The following KCNH1 variants were observed in gnomAD, a reference collection of about 807,000 sequenced individuals.
The protein encoded by KCNH1 is voltage-gated delayed rectifier potassium channel KCNH1.
A neutral mutation model predicts 69.2 loss-of-function variants in KCNH1; 27 were observed. That is an observed-to-expected ratio of 0.39 (90% CI 0.29 to 0.54). KCNH1 has a LOEUF of 0.54. Ranked by LOEUF, KCNH1 falls within the 20% of genes least tolerant of loss-of-function variation. The pLI is 0.68. For synonymous variants in KCNH1, 456 were observed against 487.7 expected (o/e 0.93, Z 0.86); for missense variants, 798 against 1,261.6 (o/e 0.63, Z 5.57).
intron 5 of KCNH1, among the ~76,000 whole-genome samples, chr1:211,066,080 G>T (rs1690523623): frequency 6.6e-6 from 1 of 152,012 alleles, no homozygotes; most frequent in Non-Finnish European, 1.5e-5. Flanking sequence ...TTTTTTTAAT[G>T]TGGAAAAAGT....
Position 210,856,898 on chromosome 1 carries a change from T to TATATATATATATATATAA in KCNH1, c.1463-52733_1463-52732insTTATATATATATATATAT, listed in dbSNP as rs1410330503. On this transcript the variant is annotated intron_variant, in intron 7 of 10. Transcript: ENST00000271751. ...CCCACTATATATATATATATATATA[T>TATATATATATATATATAA]AAAATACTCATGCCTGGTGTTTACT... Among the ~76,000 whole-genome samples the TATATATATATATATATAA allele has an allele frequency of 6.5e-3, 788 of 121,518 alleles. 15 individuals carry two copies. Among genetic ancestry groups the TATATATATATATATATAA allele is most frequent in the Non-Finnish European group, 0.011 (617 of 56,286 alleles). The allele number at this position is 121,518 out of a possible 152,430, so 79.7% of individuals were successfully genotyped here. A position where few individuals can be genotyped will look rare whatever the true frequency, so the allele number is the denominator to read the frequency against.
chr1:210,936,397 GC>G (rs1687775278), intron 6 of KCNH1, among the ~76,000 whole-genome samples: 1 of 152,128 alleles, frequency 6.6e-6, no homozygotes, highest in Non-Finnish European at 1.5e-5. Flanking sequence ...CCAGCACCCT[GC>G]TTTTTCCCTC....
At chr1:210,711,398 T>C (rs1032187222) in intron 10 of KCNH1, among the ~76,000 whole-genome samples, 10 of 152,210 alleles carry the variant, frequency 6.6e-5, no homozygotes, top group Non-Finnish European at 8.8e-5. Context: ...TTCCCAGGCA[T>C]TGGGCCATCA....
chr1:211,110,019 A>G (rs749676038), intron 1 of KCNH1, among the ~76,000 whole-genome samples: 2 of 151,140 alleles, frequency 1.3e-5, no homozygotes, highest in African/African-American at 2.5e-5. Flanking sequence ...GAGACAAGAA[A>G]CAGAGAAGAA....
chr1:211,044,645 A>G (rs530869077), intron 5 of KCNH1, among the ~76,000 whole-genome samples: 1 of 152,350 alleles, frequency 6.6e-6, no homozygotes, highest in African/African-American at 2.4e-5. Context: ...AATGGCCAAC[A>G]AACATATGAA....
chr1:210,838,845 A>G (rs1036427989), intron 7 of KCNH1, among the ~76,000 whole-genome samples: 7 of 152,242 alleles, frequency 4.6e-5, no homozygotes, highest in African/African-American at 1.7e-4. Flanking sequence ...AGAAATGCAA[A>G]TCAAAACCAC....
At chr1:211,077,274 C>T (rs1162225599) in intron 5 of KCNH1, among the ~76,000 whole-genome samples, 4 of 151,760 alleles carry the variant, frequency 2.6e-5, no homozygotes, top group Non-Finnish European at 4.4e-5. Flanking sequence ...ACAGACACTC[C>T]TCGGAACAGC....
chr1:210,706,981 A>G (rs1343492672), intron 10 of KCNH1, among the ~76,000 whole-genome samples: 2 of 152,224 alleles, frequency 1.3e-5, no homozygotes, highest in Non-Finnish European at 2.9e-5. Flanking sequence ...GCAGAAGAGA[A>G]GAGAAAGCAT....
intron 2 of KCNH1, among the ~76,000 whole-genome samples, chr1:211,105,543 A>G (rs560761540): frequency 1.3e-5 from 2 of 152,358 alleles, no homozygotes; most frequent in South Asian, 4.1e-4. Context: ...CATAGCTAGC[A>G]CAAAGGTATG....
rs768639379 is a variant in KCNH1 at position 210,867,358 on chromosome 1, CACACATAT to C, written c.1462+52274_1462+52281del. ...ACACACACACACACACACACACACA[CACACATAT>C]ATATATATATATGTGTCCAAAGCAA... On this transcript the variant is annotated intron_variant, in intron 7 of 10. Transcript: ENST00000271751. Among the ~76,000 whole-genome samples the C allele has an allele frequency of 1.3e-3, 144 of 106,784 alleles. 2 individuals are homozygous for C. The highest frequency in any genetic ancestry group is 2.1e-3 in the Non-Finnish European group (93 of 43,976). The allele number at this position is 106,784 out of a possible 152,430, so 70.1% of individuals were successfully genotyped here.
intron 3 of KCNH1, among the ~76,000 whole-genome samples, chr1:211,096,814 T>C (rs1390031511): frequency 6.6e-6 from 1 of 152,230 alleles, no homozygotes; most frequent in African/African-American, 2.4e-5. Context: ...GGCCAATAAA[T>C]CTTTGAAATT....
intron 7 of KCNH1, among the ~76,000 whole-genome samples, chr1:210,907,098 T>C (rs1687118413): frequency 6.6e-6 from 1 of 152,132 alleles, no homozygotes; most frequent in African/African-American, 2.4e-5. Flanking sequence ...CAACCATAAA[T>C]TTAAAATTGT....
intron 5 of KCNH1, among the ~76,000 whole-genome samples, chr1:211,047,028 T>C (rs1054350635): frequency 1.3e-5 from 2 of 152,184 alleles, no homozygotes; most frequent in African/African-American, 4.8e-5. Flanking sequence ...ATGTAATATA[T>C]CTAAAATATC....
At chr1:211,075,787 C>T (rs1690721745) in intron 5 of KCNH1, among the ~76,000 whole-genome samples, 1 of 152,214 alleles carries the variant, frequency 6.6e-6, no homozygotes, top group South Asian at 2.1e-4. Flanking sequence ...CATTGCCTCA[C>T]CCAGGAAGTG....
At chr1:210,987,856 G>C (rs1038271608) in intron 6 of KCNH1, among the ~76,000 whole-genome samples, 1 of 152,170 alleles carries the variant, frequency 6.6e-6, no homozygotes, top group Non-Finnish European at 1.5e-5. Context: ...GCTGCCTTTT[G>C]ATTGTCTGTG....
intron 7 of KCNH1, among the ~76,000 whole-genome samples, chr1:210,894,320 G>A (rs746717815): frequency 6.6e-6 from 1 of 152,164 alleles, no homozygotes; most frequent in Non-Finnish European, 1.5e-5. Context: ...ATTTCCCACT[G>A]CCAAGGAAAG....
At chr1:210,947,975 T>A (rs1197885524) in intron 6 of KCNH1, among the ~76,000 whole-genome samples, 1 of 150,948 alleles carries the variant, frequency 6.6e-6, no homozygotes, top group Admixed American at 6.6e-5. Context: ...GGGGTAGGGG[T>A]TGGGGGCAGA....
intron 3 of KCNH1, among the ~76,000 whole-genome samples, chr1:211,102,849 A>G (rs1264851237): frequency 6.6e-6 from 1 of 152,158 alleles, no homozygotes; most frequent in Non-Finnish European, 1.5e-5. Context: ...GAAACAAACC[A>G]CTATTAACAC....
chr1:211,103,599 A>G lies in KCNH1; in HGVS notation c.207T>C (p.Phe69=), dbSNP rs1691300928. The G allele has an allele frequency of 5.6e-6, 9 of 1,602,322 alleles. No individual in the cohort carries two copies. Among genetic ancestry groups the G allele is most frequent in the Non-Finnish European group, 7.7e-6 (9 of 1,172,950 alleles). ...CTTTATCAGTCAGCTCCCCATACAT[A>G]AAACTGCAAACAACCAAAGAACTCA... is the stretch of plus-strand genomic sequence containing the variant. ...EVMQKSSTCS[F]MYGELTDKDT... Residue 69 remains phenylalanine (F), a synonymous_variant, in exon 3 of 11, where the codon TTT becomes TTC. Transcript: ENST00000271751.
Sources: allele counts gnomAD v4.1 joint callset (sites outside exome capture counted in the v4.1 genomes callset), GRCh38; gene constraint gnomAD v4.1.1; transcripts MANE v1.5; gene names NCBI Gene and HGNC (gene_info 2026-07-23, HGNC 2026-07-21).